Variants in HABP4 observed in about 807,000 individuals in gnomAD.
The protein encoded by HABP4 is hyaluronan binding protein 4, also known as intracellular hyaluronan-binding protein 4.
In HABP4, 32 loss-of-function variants were observed where a neutral mutation model predicts 44.1. That is an observed-to-expected ratio of 0.73 (90% CI 0.55 to 0.97). The LOEUF is 0.97. Ranked by LOEUF, HABP4 falls within the 50% of genes least tolerant of loss-of-function variation. HABP4 has a pLI of 0.00. For synonymous variants in HABP4, 216 were observed against 218.0 expected (o/e 0.99, Z 0.08); for missense variants, 503 against 561.9 (o/e 0.90, Z 1.06).
Position 96,471,111 on chromosome 9 carries a change from A to T in HABP4, c.827+17A>T. On this transcript the variant is annotated intron_variant, in intron 5 of 7. Coordinates refer to ENST00000375249, the MANE Select transcript of HABP4 (RefSeq NM_014282.4). Reference sequence around the variant, plus strand: ...TCCAGCCAAGTAGGGCATTTTGTTCATTCCCCATTGTGGTGTTGGTTCTCT... The same window carrying T: ...TCCAGCCAAGTAGGGCATTTTGTTCTTTCCCCATTGTGGTGTTGGTTCTCT... 7.7e-7 allele frequency: 1 copy of T among 1,303,328 alleles called. No homozygotes were observed. Among genetic ancestry groups the T allele is most frequent in the Non-Finnish European group, 1.1e-6 (1 of 896,966 alleles). The allele number at this position is 1,303,328 out of a possible 1,614,324, so 80.7% of individuals were successfully genotyped here.
chr9:96,452,477 C>T (rs1178820578), intron 1 of HABP4, among the ~76,000 whole-genome samples: 1 of 152,088 alleles, frequency 6.6e-6, no homozygotes, highest in East Asian at 1.9e-4. Flanking sequence ...GGGTTGCAAC[C>T]TGTTTCCTGC....
rs556682803 is a variant in HABP4, at chr9:96,462,624, AAGAG to A, written c.513-2706_513-2703del. Among the ~76,000 whole-genome samples, 108 of 151,456 alleles carry A rather than the reference AAGAG, an allele frequency of 7.1e-4. No individual in the cohort carries two copies. The South Asian group carries it at 0.01, about 14-fold the overall frequency. ...GAGACTCTGTCTCAAAAAAAAAAAA[AAGAG>A]AGAGAGTTTACTGTTGGCTGGGCAC... On this transcript the variant is annotated intron_variant, in intron 2 of 7. Transcript: ENST00000375249.
At chr9:96,456,778 AAAATATATATATATATATATATAT>A (rs1190230557) in intron 1 of HABP4, among the ~76,000 whole-genome samples, 8 of 53,226 alleles carry the variant, frequency 1.5e-4, no homozygotes, top group African/African-American at 3.3e-4. Context: ...AAAAAAAAAA[AAAATATATATATATATATATATAT>A]ATATATATAT....
chr9:96,468,123 C>A (rs1832635042), intron 4 of HABP4, among the ~76,000 whole-genome samples: 1 of 152,068 alleles, frequency 6.6e-6, no homozygotes, highest in African/African-American at 2.4e-5. Context: ...GACTCTGTTG[C>A]CCATGCTGGA....
chr9:96,477,022 A>G (rs897592043), intron 5 of HABP4, among the ~76,000 whole-genome samples: 4 of 152,244 alleles, frequency 2.6e-5, no homozygotes, highest in Admixed American at 6.5e-5. Context: ...CACAGTTTCA[A>G]GCTTGCATTT....
rs529616637 is a variant in HABP4, at chr9:96,475,065, G to T, written c.827+3971G>T. Among the ~76,000 whole-genome samples the T allele has an allele frequency of 2.6e-4, 39 of 152,160 alleles. No individual in the cohort carries two copies. The South Asian group carries it at 8.1e-3, about 32-fold the overall frequency. ...CCGACGATACCTGTGACGACTCTTT[G>T]TATTTTGTTTTAAGAATAACTCTAA... On this transcript the variant is annotated intron_variant, in intron 5 of 7. Coordinates refer to ENST00000375249, the MANE Select transcript of HABP4 (RefSeq NM_014282.4).
intron 2 of HABP4, among the ~76,000 whole-genome samples, chr9:96,464,415 AGTG>A (rs1832561655): frequency 6.6e-6 from 1 of 152,238 alleles, no homozygotes; most frequent in Non-Finnish European, 1.5e-5. Flanking sequence ...ATAAAAGAAA[AGTG>A]AGAGTGCCCA....
chr9:96,465,927 A>G, intron 4 of HABP4, 149 bp downstream of exon 4: 1 of 598,254 alleles, frequency 1.7e-6, no homozygotes, highest in Non-Finnish European at 3.0e-6. Flanking sequence ...GTTTCGTGAG[A>G]TAAGTTTTTA....
intron 1 of HABP4, 118 bp from the exon 2 acceptor site, chr9:96,458,261 G>A: frequency 9.5e-7 from 1 of 1,053,776 alleles, no homozygotes; most frequent in Non-Finnish European, 1.5e-6. Context: ...TAAACTTCCT[G>A]AATTCTCCTA....
intron 7 of HABP4, among the ~76,000 whole-genome samples, chr9:96,489,687 C>T (rs1036261952): frequency 3.9e-5 from 6 of 152,246 alleles, no homozygotes; most frequent in African/African-American, 7.2e-5. Flanking sequence ...GTGCCCGGCA[C>T]GCAGTAACCA....
chr9:96,461,973 A>G (rs889905786), intron 2 of HABP4, among the ~76,000 whole-genome samples: 13 of 150,576 alleles, frequency 8.6e-5, no homozygotes, highest in African/African-American at 3.2e-4. Flanking sequence ...CCTGGCCAAC[A>G]TAGTGAATCC....
intron 6 of HABP4, among the ~76,000 whole-genome samples, chr9:96,486,692 A>G (rs565309956): frequency 5.9e-5 from 9 of 152,108 alleles, no homozygotes; most frequent in Admixed American, 5.2e-4. Flanking sequence ...CACAAGCCAG[A>G]TCTTGGGTTC....
chr9:96,472,937 G>A (rs998118277), intron 5 of HABP4, among the ~76,000 whole-genome samples: 2 of 152,092 alleles, frequency 1.3e-5, no homozygotes, highest in Admixed American at 1.3e-4. Context: ...TGATTTCTTC[G>A]TAAACGTGCT....
At chr9:96,464,844 A>G (rs1832571122) in intron 2 of HABP4, among the ~76,000 whole-genome samples, 1 of 152,196 alleles carries the variant, frequency 6.6e-6, no homozygotes, top group South Asian at 2.1e-4. Flanking sequence ...GGAGATTTGG[A>G]AAGGGGCATA....
At chr9:96,464,177 G>A (rs977249147) in intron 2 of HABP4, among the ~76,000 whole-genome samples, 1 of 152,170 alleles carries the variant, frequency 6.6e-6, no homozygotes, top group Non-Finnish European at 1.5e-5. Flanking sequence ...GGAGGAATAA[G>A]GGCTCCGCGT....
At chr9:96,460,768 G>A (rs1293234868) in intron 2 of HABP4, among the ~76,000 whole-genome samples, 9 of 152,296 alleles carry the variant, frequency 5.9e-5, no homozygotes, top group African/African-American at 1.9e-4. Context: ...ACTTTTGGCA[G>A]GAATGCCACA....
intron 5 of HABP4, chr9:96,483,242 G>A (rs1832909829): frequency 6.6e-6 from 1 of 152,140 alleles, no homozygotes; most frequent in Non-Finnish European, 1.5e-5. Flanking sequence ...AATAGCTAAT[G>A]ATGTGCAACA....
At chr9:96,458,339 T>C (rs749318479) in intron 1 of HABP4, 40 bp from the exon 2 acceptor site, 20 of 1,579,244 alleles carry the variant, frequency 1.3e-5, no homozygotes, top group Non-Finnish European at 1.7e-5. Flanking sequence ...CTGTTGCAGA[T>C]GTTGTGTTCC....
At chr9:96,480,031 TG>T (rs996306719) in intron 5 of HABP4, among the ~76,000 whole-genome samples, 2 of 151,774 alleles carry the variant, frequency 1.3e-5, no homozygotes, top group Non-Finnish European at 2.9e-5. Context: ...AAAAATTAGC[TG>T]GGTATGGTGG....
Sources: gnomAD v4.1 joint callset for allele counts (sites outside exome capture counted in the v4.1 genomes callset) on GRCh38, gnomAD v4.1.1 for gene constraint, MANE v1.5 for transcripts, NCBI Gene and HGNC (gene_info 2026-07-23, HGNC 2026-07-21) for gene names.